The following OPHN1 variants were observed in gnomAD, a reference collection of about 807,000 sequenced individuals.
OPHN1 encodes oligophrenin-1.
In OPHN1, 11 loss-of-function variants were observed where a neutral mutation model predicts 60.7. The observed-to-expected ratio is 0.18, with a 90% CI of 0.11 to 0.30. OPHN1 has a LOEUF of 0.30. Among genes scored for constraint, OPHN1 ranks in the 10% least tolerant of loss-of-function variants. The probability of loss-of-function intolerance (pLI) is 1.00; values close to 1 mark genes in which losing one functional copy is unlikely to be tolerated. For missense variants in OPHN1, 449 were observed against 611.0 expected (o/e 0.73, Z 2.80); for synonymous variants, 226 against 222.6 (o/e 1.02, Z -0.14).
At chrX:68,110,400 G>A (rs1345867993) in intron 18 of OPHN1, among the ~76,000 whole-genome samples, 1 of 111,926 alleles carries the variant, frequency 8.9e-6, no homozygotes, top group African/African-American at 3.2e-5. Context: ...GCACCCTGAT[G>A]CTCACTAAGC....
intron 2 of OPHN1, among the ~76,000 whole-genome samples, chrX:68,393,881 C>CTTTT (rs757567783): frequency 2.0e-3 from 52 of 25,563 alleles, no homozygotes; most frequent in Non-Finnish European, 5.7e-3. Flanking sequence ...ATCCAATAGA[C>CTTTT]TTTGTTTTTT....
chrX:68,333,207 A>G (rs1402503771), intron 2 of OPHN1, among the ~76,000 whole-genome samples: 1 of 110,019 alleles, frequency 9.1e-6, no homozygotes, highest in Admixed American at 9.9e-5. Flanking sequence ...ACCTTAGGCC[A>G]GGAGTTTGAG....
chrX:68,220,270 GA>G (rs2077646798), intron 6 of OPHN1, among the ~76,000 whole-genome samples: 1 of 107,170 alleles, frequency 9.3e-6, no homozygotes, highest in Admixed American at 1.0e-4. Flanking sequence ...AACAGGAGCT[GA>G]AATTGTGGCA....
At chrX:68,171,509 G>T (rs986962118) in intron 15 of OPHN1, among the ~76,000 whole-genome samples, 5 of 111,350 alleles carry the variant, frequency 4.5e-5, no homozygotes, top group African/African-American at 1.6e-4. Flanking sequence ...GCTGAGGCGG[G>T]CAGATCACTT....
intron 15 of OPHN1, among the ~76,000 whole-genome samples, chrX:68,139,735 A>C (rs919863428): frequency 3.6e-5 from 4 of 112,404 alleles, no homozygotes; most frequent in African/African-American, 1.3e-4. Flanking sequence ...TTTACTAAAC[A>C]AATGCAAAGT....
Position 68,202,890 on chromosome X carries a change from T to C in OPHN1, c.934-1180A>G, listed in dbSNP as rs142787304. ...AGCAGCATACCCAAAGTCATCCAAA[T>C]TGGTATAGTGGAAATAGCAACACAC... is the stretch of plus-strand genomic sequence containing the variant. On this transcript the variant is annotated intron_variant, in intron 10 of 24. Coordinates refer to ENST00000355520, the MANE Select transcript of OPHN1 (RefSeq NM_002547.3). Among the ~76,000 whole-genome samples the C allele has an allele frequency of 1.8e-3, 201 of 111,813 alleles. 2 individuals are homozygous for C. Among genetic ancestry groups the C allele is most frequent in the African/African-American group, 6.2e-3 (191 of 30,821 alleles).
intron 15 of OPHN1, among the ~76,000 whole-genome samples, chrX:68,181,439 C>T (rs2077436180): frequency 3.6e-5 from 4 of 111,306 alleles, no homozygotes; most frequent in African/African-American, 1.3e-4. Context: ...TGTCCTAAAT[C>T]TGTTTATCTG....
chrX:68,296,647 TAA>T (rs751623342), intron 3 of OPHN1, among the ~76,000 whole-genome samples: 4,103 of 68,322 alleles, frequency 0.06, 383 homozygotes, highest in African/African-American at 0.21. Context: ...GACTCCATCT[TAA>T]AAAAAAAAAA....
At chrX:68,343,557 G>T (rs1325418882) in intron 2 of OPHN1, among the ~76,000 whole-genome samples, 1 of 110,752 alleles carries the variant, frequency 9.0e-6, no homozygotes, top group African/African-American at 3.3e-5. Flanking sequence ...TTGTGGGTTT[G>T]AAGGAAATAA....
chrX:68,383,656 G>A (rs1350105631), intron 2 of OPHN1, among the ~76,000 whole-genome samples: 2 of 96,425 alleles, frequency 2.1e-5, no homozygotes, highest in Non-Finnish European at 4.1e-5. Flanking sequence ...CCTCCAAAGC[G>A]AAACTCAACA....
At chrX:68,260,577 G>T (rs2077888285) in intron 5 of OPHN1, among the ~76,000 whole-genome samples, 1 of 110,973 alleles carries the variant, frequency 9.0e-6, no homozygotes, top group Non-Finnish European at 1.9e-5. Context: ...GCCATTATGG[G>T]TCTTGACTTC....
chrX:68,410,178 A>G (rs1356832387), intron 2 of OPHN1, among the ~76,000 whole-genome samples: 1 of 112,206 alleles, frequency 8.9e-6, no homozygotes, highest in African/African-American at 3.2e-5. Flanking sequence ...ACTACTGGAT[A>G]TATCTCAGTC....
intron 2 of OPHN1, among the ~76,000 whole-genome samples, chrX:68,407,838 T>A (rs775285194): frequency 1.8e-5 from 2 of 112,852 alleles, no homozygotes; most frequent in Non-Finnish European, 3.7e-5. Flanking sequence ...CATTATCAGA[T>A]AATAATCCAT....
chrX:68,413,011 G>C (rs183635594), intron 2 of OPHN1, among the ~76,000 whole-genome samples: 333 of 111,438 alleles, frequency 3.0e-3, no homozygotes, highest in South Asian at 7.5e-3. Context: ...ATTGGCCAAG[G>C]CTCCCTACAA....
chrX:68,317,135 C>CA (rs2078203187), intron 2 of OPHN1, among the ~76,000 whole-genome samples: 1 of 105,750 alleles, frequency 9.5e-6, no homozygotes, highest in East Asian at 3.0e-4. Flanking sequence ...CCCATCTCTA[C>CA]AAAAAATACA....
At chrX:68,234,925 A>G (rs1035561722) in intron 5 of OPHN1, among the ~76,000 whole-genome samples, 13 of 112,420 alleles carry the variant, frequency 1.2e-4, no homozygotes, top group African/African-American at 3.6e-4. Flanking sequence ...TTAACCACTC[A>G]TTCAAATTTT....
chrX:68,274,360 T>C (rs2077982990), intron 5 of OPHN1, among the ~76,000 whole-genome samples: 1 of 112,027 alleles, frequency 8.9e-6, no homozygotes, highest in African/African-American at 3.2e-5. Flanking sequence ...TGATACATGA[T>C]AGCTAGCTAG....
At chrX:68,350,688 T>A (rs2078406126) in intron 2 of OPHN1, among the ~76,000 whole-genome samples, 1 of 104,167 alleles carries the variant, frequency 9.6e-6, no homozygotes, top group South Asian at 4.3e-4. Flanking sequence ...GGGTAATTTT[T>A]AAATTTTTTA....
intron 2 of OPHN1, among the ~76,000 whole-genome samples, chrX:68,305,520 C>G (rs1017869272): frequency 8.9e-6 from 1 of 112,221 alleles, no homozygotes; most frequent in Non-Finnish European, 1.9e-5. Flanking sequence ...TTAAGAAGTT[C>G]CTAATCTCTC....
Sources: gnomAD v4.1 joint callset for allele counts (sites outside exome capture counted in the v4.1 genomes callset) on GRCh38, gnomAD v4.1.1 for gene constraint, MANE v1.5 for transcripts, NCBI Gene and HGNC (gene_info 2026-07-23, HGNC 2026-07-21) for gene names.